Variants in USP45 observed in about 807,000 individuals in gnomAD.
USP45 encodes ubiquitin carboxyl-terminal hydrolase 45.
A neutral mutation model predicts 95.8 loss-of-function variants in USP45; 89 were observed. The ratio of observed to expected loss-of-function variants is 0.93; its 90% CI spans 0.78 to 1.11. The LOEUF is 1.11. USP45 is among the 50% of genes least tolerant of loss of function. The pLI is 0.00. For missense variants in USP45, 898 were observed against 942.5 expected (o/e 0.95, Z 0.62); for synonymous variants, 281 against 316.2 (o/e 0.89, Z 1.18).
intron 1 of USP45, among the ~76,000 whole-genome samples, chr6:99,512,646 C>T (rs995797467): frequency 2.6e-5 from 4 of 152,136 alleles, no homozygotes; most frequent in Non-Finnish European, 5.9e-5. Context: ...AATTCCAAAT[C>T]TTGATTTATT....
rs1373788401 is a variant in USP45, at chr6:99,466,771, A to T, written c.1016-8T>A. On this transcript the variant is annotated splice_region_variant and splice_polypyrimidine_tract_variant and intron_variant, in intron 10 of 17. Transcript: ENST00000500704. ...CACCTTCTTTTCCATATGCTGTAAA[A>T]ATCATACTTTTTAATGCAAAAAACA... 1 of 1,610,022 alleles carries T rather than the reference A, an allele frequency of 6.2e-7. No homozygotes were observed.
chr6:99,461,854 C>T, intron 13 of USP45: 4 of 983,658 alleles, frequency 4.1e-6, no homozygotes, highest in Non-Finnish European at 4.8e-6. Flanking sequence ...AACAGCTTCA[C>T]TAATCAGCAA....
intron 4 of USP45, among the ~76,000 whole-genome samples, chr6:99,506,857 CAAAAAAATCAACTA>C (rs755008151): frequency 6.6e-6 from 1 of 151,760 alleles, no homozygotes; most frequent in Non-Finnish European, 1.5e-5. Flanking sequence ...AGTTCACTAC[CAAAAAAATCAACTA>C]AAAAGAATTT....
intron 5 of USP45, among the ~76,000 whole-genome samples, chr6:99,499,422 AT>A (rs1287429426): frequency 6.6e-6 from 1 of 152,202 alleles, no homozygotes; most frequent in African/African-American, 2.4e-5. Context: ...TTTTCCAAAT[AT>A]TTTATAAAAA....
intron 9 of USP45, among the ~76,000 whole-genome samples, chr6:99,472,705 C>T (rs754680529): frequency 6.6e-6 from 1 of 152,184 alleles, no homozygotes; most frequent in Non-Finnish European, 1.5e-5. Flanking sequence ...ACCGTGCCAA[C>T]ATGCATCTAC....
At position 99,432,569 on chromosome 6, in the gene USP45, TA is replaced by T. The variant is rs1392183593; in HGVS notation, c.*3146del. On this transcript the variant is annotated 3_prime_UTR_variant, in exon 18 of 18. Transcript: ENST00000500704. Reference sequence around the variant, plus strand: ...AAAAAACAGTAGGAATAATATGTATTACTCAAAATTGAAAATATGGTCATCT... The same window carrying T: ...AAAAAACAGTAGGAATAATATGTATTCTCAAAATTGAAAATATGGTCATCT... The T allele has an allele frequency of 1.4e-5, 2 of 141,072 alleles. No individual in the cohort carries two copies. Among genetic ancestry groups the T allele is most frequent in the Non-Finnish European group, 3.1e-5 (2 of 65,450 alleles). The allele number at this position is 141,072 out of a possible 1,614,324, so 8.7% of individuals were successfully genotyped here. A position where few individuals can be genotyped will look rare whatever the true frequency, so the allele number is the denominator to read the frequency against.
intron 9 of USP45, among the ~76,000 whole-genome samples, chr6:99,474,490 A>G (rs1179036803): frequency 1.3e-5 from 2 of 152,106 alleles, no homozygotes; most frequent in African/African-American, 2.4e-5. Context: ...GAGCCACCAT[A>G]TCTGGCAGAA....
chr6:99,443,664 T>C lies in USP45; in HGVS notation c.1976-2A>G. On this transcript the variant is annotated splice_acceptor_variant, in intron 14 of 17. Coordinates refer to ENST00000500704, the MANE Select transcript of USP45 (RefSeq NM_001346022.3). LOFTEE classifies it high-confidence loss of function. ...TATAAACTCCTTCTACTTTCTTTTC[T>C]ACATAAAATACAATAAATTTATTTA... 1.3e-6 allele frequency: 2 copies of C among 1,523,826 alleles called. No individual in the cohort carries two copies. Among genetic ancestry groups the C allele is most frequent in the Non-Finnish European group, 1.8e-6 (2 of 1,125,554 alleles). The allele number at this position is 1,523,826 out of a possible 1,614,324, so 94.4% of individuals were successfully genotyped here. A position where few individuals can be genotyped will look rare whatever the true frequency, so the allele number is the denominator to read the frequency against.
chr6:99,508,384 T>C (rs143757255), intron 3 of USP45, among the ~76,000 whole-genome samples: 185 of 152,350 alleles, frequency 1.2e-3, no homozygotes, highest in African/African-American at 4.3e-3. Context: ...GCAAATAGGT[T>C]GAATTACCTC....
intron 4 of USP45, among the ~76,000 whole-genome samples, chr6:99,504,903 A>G (rs893136393): frequency 6.6e-6 from 1 of 152,192 alleles, no homozygotes; most frequent in African/African-American, 2.4e-5. Context: ...TGCCAATAGT[A>G]TTGAGATTGA....
upstream of USP45, among the ~76,000 whole-genome samples, chr6:99,517,530 G>T (rs1397656575): frequency 6.6e-6 from 1 of 151,372 alleles, no homozygotes; most frequent in African/African-American, 2.4e-5. Context: ...TGCCTCCTGG[G>T]TTCAAGCAAT....
At chr6:99,497,739 CA>C (rs1472015206) in intron 5 of USP45, among the ~76,000 whole-genome samples, 1 of 152,192 alleles carries the variant, frequency 6.6e-6, no homozygotes, top group African/African-American at 2.4e-5. Context: ...GCCCTCAGAA[CA>C]AATTCTATCT....
intron 9 of USP45, among the ~76,000 whole-genome samples, chr6:99,471,479 G>A (rs749950882): frequency 5.3e-5 from 8 of 152,008 alleles, no homozygotes; most frequent in Non-Finnish European, 1.0e-4. Context: ...AAATCTTGAA[G>A]ATAATAAAAA....
At chr6:99,490,473 G>A (rs992279821) in intron 5 of USP45, among the ~76,000 whole-genome samples, 1 of 151,238 alleles carries the variant, frequency 6.6e-6, no homozygotes, top group Admixed American at 6.6e-5. Context: ...AGCCACCGTA[G>A]CCAGCCAGCC....
At chr6:99,503,207 T>C (rs1445907090) in intron 5 of USP45, among the ~76,000 whole-genome samples, 3 of 152,286 alleles carry the variant, frequency 2.0e-5, no homozygotes, top group African/African-American at 7.2e-5. Flanking sequence ...GAAGCCTAAA[T>C]TCAAACTTAT....
intron 1 of USP45, among the ~76,000 whole-genome samples, chr6:99,510,634 G>A (rs1799573071): frequency 6.6e-6 from 1 of 152,096 alleles, no homozygotes; most frequent in Non-Finnish European, 1.5e-5. Flanking sequence ...GAGGATATAC[G>A]AGAAGATGGC....
intron 13 of USP45, among the ~76,000 whole-genome samples, chr6:99,458,541 G>T (rs778497946): frequency 1.2e-4 from 18 of 152,124 alleles, no homozygotes; most frequent in Non-Finnish European, 2.4e-4. Flanking sequence ...CATGGTCCTT[G>T]TTTAACCTGT....
chr6:99,459,222 T>G (rs1785795606), intron 13 of USP45, among the ~76,000 whole-genome samples: 2 of 152,170 alleles, frequency 1.3e-5, no homozygotes, highest in Non-Finnish European at 2.9e-5. Context: ...CACTTATAAG[T>G]GAGAACTTGT....
At chr6:99,507,197 ACT>A (rs1798740031) in intron 4 of USP45, among the ~76,000 whole-genome samples, 10 of 152,186 alleles carry the variant, frequency 6.6e-5, no homozygotes, top group Admixed American at 6.5e-4. Flanking sequence ...ACAGAGTGAG[ACT>A]CTGTCTCAAC....
Sources: gnomAD v4.1 joint callset for allele counts (sites outside exome capture counted in the v4.1 genomes callset) on GRCh38, gnomAD v4.1.1 for gene constraint, MANE v1.5 for transcripts, NCBI Gene and HGNC (gene_info 2026-07-23, HGNC 2026-07-21) for gene names.